The following CDYL2 variants were observed in gnomAD, a reference collection of about 807,000 sequenced individuals.
CDYL2 encodes the protein chromodomain Y like 2.
Under a neutral mutation model 49.4 loss-of-function variants are expected in CDYL2, and 23 were observed. The observed-to-expected ratio is 0.47, with a 90% CI of 0.34 to 0.66. The LOEUF (loss-of-function observed/expected upper bound fraction) is 0.66. CDYL2 is among the 30% of genes least tolerant of loss of function. The probability of loss-of-function intolerance (pLI) is 0.01; values close to 1 mark genes in which losing one functional copy is unlikely to be tolerated. For missense variants in CDYL2, 678 were observed against 656.4 expected (o/e 1.03, Z -0.36); for synonymous variants, 360 against 268.8 (o/e 1.34, Z -3.32).
In CDYL2 at chr16:80,684,783, G is replaced by A; in HGVS notation, c.371C>T (p.Pro124Leu). Reference protein sequence around the residue: ...AKPKKGYSGKPSSGGDRATKT... With the variant: ...AKPKKGYSGKLSSGGDRATKT... ...GGTGGCCCTGTCACCTCCTGAAGAG[G>A]GCTTGCCTGAATACCCTTTTTTTGG... Residue 124 changes from proline (P) to leucine (L), a missense_variant, in exon 2 of 7, where the codon CCC becomes CTC. By Grantham distance (98) the Pro-to-Leu change is moderately conservative. Around this residue, in one of 3 missense-constraint regions of CDYL2, gnomAD observed 478 missense variants for 427.0 expected, o/e 1.12. Coordinates refer to ENST00000570137, the MANE Select transcript of CDYL2 (RefSeq NM_152342.4). The A allele has an allele frequency of 1.9e-6, 3 of 1,614,154 alleles. No individual in the cohort carries two copies. Among genetic ancestry groups the A allele is most frequent in the Non-Finnish European group, 2.5e-6 (3 of 1,180,046 alleles).
At chr16:80,721,205 T>C (rs1904987208) in intron 1 of CDYL2, among the ~76,000 whole-genome samples, 1 of 149,816 alleles carries the variant, frequency 6.7e-6, no homozygotes, top group Non-Finnish European at 1.5e-5. Flanking sequence ...TGTCATGTGC[T>C]AGCTGTTTGC....
chr16:80,788,752 T>C (rs754125591), intron 1 of CDYL2, among the ~76,000 whole-genome samples: 6 of 152,184 alleles, frequency 3.9e-5, no homozygotes, highest in Admixed American at 1.3e-4. Flanking sequence ...CTAGTACCCA[T>C]CTCATAGAAA....
chr16:80,670,873 G>C, intron 2 of CDYL2: 1 of 455,746 alleles, frequency 2.2e-6, no homozygotes, highest in Non-Finnish European at 4.4e-6. Context: ...ACACAGCATA[G>C]TCAGGTTGCG....
chr16:80,775,549 TAAG>T (rs1250143290), intron 1 of CDYL2, among the ~76,000 whole-genome samples: 1 of 151,158 alleles, frequency 6.6e-6, no homozygotes, highest in East Asian at 1.9e-4. Context: ...ATTACAAAAA[TAAG>T]AAGCATATAT....
At chr16:80,775,388 A>C (rs1031820966) in intron 1 of CDYL2, among the ~76,000 whole-genome samples, 6 of 151,958 alleles carry the variant, frequency 3.9e-5, no homozygotes, top group Non-Finnish European at 5.9e-5. Context: ...AATTAAATTA[A>C]AAGTTACGGG....
chr16:80,698,772 G>A (rs1043183209), intron 1 of CDYL2, among the ~76,000 whole-genome samples: 1 of 152,014 alleles, frequency 6.6e-6, no homozygotes, highest in Non-Finnish European at 1.5e-5. Context: ...AGTTTCCTGA[G>A]GCCTCCTCCC....
At chr16:80,689,964 T>C (rs561284651) in intron 1 of CDYL2, among the ~76,000 whole-genome samples, 1 of 151,570 alleles carries the variant, frequency 6.6e-6, no homozygotes, top group South Asian at 2.1e-4. Flanking sequence ...CTACTAATAA[T>C]ACAAAAATTA....
intron 1 of CDYL2, among the ~76,000 whole-genome samples, chr16:80,792,873 A>G (rs538555539): frequency 1.3e-5 from 2 of 152,262 alleles, no homozygotes; most frequent in Admixed American, 6.5e-5. Context: ...CCCATGGAAC[A>G]GCCTACCAGC....
At chr16:80,639,260 A>G (rs1287844356) in intron 2 of CDYL2, among the ~76,000 whole-genome samples, 1 of 152,244 alleles carries the variant, frequency 6.6e-6, no homozygotes, top group African/African-American at 2.4e-5. Flanking sequence ...TGGGCATATA[A>G]GATGGCACAG....
chr16:80,619,284 C>A (rs562137090), intron 4 of CDYL2, among the ~76,000 whole-genome samples: 12 of 152,298 alleles, frequency 7.9e-5, no homozygotes, highest in African/African-American at 2.9e-4. Context: ...CAAATACGGT[C>A]ACCTCCACAG....
chr16:80,794,530 T>C (rs905686867), intron 1 of CDYL2, among the ~76,000 whole-genome samples: 4 of 151,276 alleles, frequency 2.6e-5, no homozygotes, highest in African/African-American at 9.8e-5. Flanking sequence ...AAAACTTCAA[T>C]GTGTTAAAAA....
chr16:80,661,204 C>T (rs375877253), intron 2 of CDYL2, among the ~76,000 whole-genome samples: 1 of 152,074 alleles, frequency 6.6e-6, no homozygotes, highest in Non-Finnish European at 1.5e-5. Flanking sequence ...TTAGACAGAT[C>T]GCTGAAGGAT....
intron 2 of CDYL2, among the ~76,000 whole-genome samples, chr16:80,665,164 C>T (rs193024037): frequency 6.6e-6 from 1 of 152,238 alleles, no homozygotes; most frequent in African/African-American, 2.4e-5. Flanking sequence ...TTCTACAAAT[C>T]TTCTTAATTA....
chr16:80,775,148 A>C (rs1907039170), intron 1 of CDYL2, among the ~76,000 whole-genome samples: 1 of 151,918 alleles, frequency 6.6e-6, no homozygotes, highest in Non-Finnish European at 1.5e-5. Context: ...TGAAAGAGCT[A>C]CTATAAGAAA....
At chr16:80,634,616 A>G (rs982351271) in intron 2 of CDYL2, among the ~76,000 whole-genome samples, 2 of 152,310 alleles carry the variant, frequency 1.3e-5, no homozygotes, top group South Asian at 2.1e-4. Flanking sequence ...CATTGTGCAC[A>G]TGTACCCTAG....
intron 1 of CDYL2, among the ~76,000 whole-genome samples, chr16:80,803,655 TCGCC>T (rs1292955308): frequency 8.5e-6 from 1 of 118,006 alleles, no homozygotes; most frequent in African/African-American, 3.2e-5. Flanking sequence ...TCCGCTCCGA[TCGCC>T]CGCCCCCCTC....
intron 1 of CDYL2, among the ~76,000 whole-genome samples, chr16:80,773,425 G>C (rs1273271546): frequency 6.6e-6 from 1 of 152,084 alleles, no homozygotes; most frequent in Non-Finnish European, 1.5e-5. Flanking sequence ...AGAACAATCA[G>C]ACCAAAAACG....
At chr16:80,793,162 A>G (rs1371736469) in intron 1 of CDYL2, among the ~76,000 whole-genome samples, 1 of 152,168 alleles carries the variant, frequency 6.6e-6, no homozygotes, top group Non-Finnish European at 1.5e-5. Context: ...AGTATATCTC[A>G]AACTAGGCCA....
At chr16:80,752,483 CAAAGAT>C (rs944477680) in intron 1 of CDYL2, among the ~76,000 whole-genome samples, 10 of 152,020 alleles carry the variant, frequency 6.6e-5, no homozygotes, top group Admixed American at 5.2e-4. Flanking sequence ...AAAGCAAAGA[CAAAGAT>C]AAATTCTGAA....
Sources: gnomAD v4.1 joint callset for allele counts (sites outside exome capture counted in the v4.1 genomes callset) on GRCh38, gnomAD v4.1.1 for gene constraint, gnomAD v4.1.1 regional missense constraint, MANE v1.5 for transcripts, NCBI Gene and HGNC (gene_info 2026-07-23, HGNC 2026-07-21) for gene names.